Variants in CLSTN2 observed in about 807,000 individuals in gnomAD.
CLSTN2 encodes the protein calsyntenin-2.
In CLSTN2, 48 loss-of-function variants were observed where a neutral mutation model predicts 101.2. The observed-to-expected ratio is 0.47, with a 90% CI of 0.38 to 0.60. The LOEUF is 0.60. CLSTN2 is among the 20% of genes least tolerant of loss of function. The pLI is 0.00. For missense variants in CLSTN2, 1,160 were observed against 1,238.2 expected (o/e 0.94, Z 0.95); for synonymous variants, 481 against 463.6 (o/e 1.04, Z -0.48).
intron 8 of CLSTN2, among the ~76,000 whole-genome samples, chr3:140,495,505 G>A (rs1380036356): frequency 6.6e-6 from 1 of 152,064 alleles, no homozygotes; most frequent in Non-Finnish European, 1.5e-5. Context: ...TGTTGCAATT[G>A]TTTTTGGTGT....
chr3:140,123,599 C>T (rs1350566990), intron 1 of CLSTN2, among the ~76,000 whole-genome samples: 1 of 152,054 alleles, frequency 6.6e-6, no homozygotes, highest in African/African-American at 2.4e-5. Flanking sequence ...CTCAGGCTGC[C>T]ATAACTAAGT....
chr3:140,402,520 G>A (rs72981074), intron 2 of CLSTN2, among the ~76,000 whole-genome samples: 3,845 of 152,310 alleles, frequency 0.025, 145 homozygotes, highest in African/African-American at 0.086. Flanking sequence ...GAGCAAGCAT[G>A]CAATCATCTC....
intron 2 of CLSTN2, among the ~76,000 whole-genome samples, chr3:140,368,832 C>A (rs2087821067): frequency 6.6e-6 from 1 of 152,136 alleles, no homozygotes; most frequent in African/African-American, 2.4e-5. Context: ...TCCAGAGCAC[C>A]CACAGCATAC....
intron 2 of CLSTN2, among the ~76,000 whole-genome samples, chr3:140,181,876 T>C (rs1273612751): frequency 6.6e-6 from 1 of 152,254 alleles, no homozygotes; most frequent in South Asian, 2.1e-4. Context: ...TTCAGTTCCA[T>C]ACTCTCAGAC....
intron 1 of CLSTN2, among the ~76,000 whole-genome samples, chr3:139,959,630 T>C (rs1412933376): frequency 6.6e-6 from 1 of 152,096 alleles, no homozygotes; most frequent in African/African-American, 2.4e-5. Context: ...CCTTCTTTCC[T>C]TTTGCTCCTT....
chr3:140,196,061 TGATGGTTA>T (rs2010639227), intron 2 of CLSTN2, among the ~76,000 whole-genome samples: 1 of 152,206 alleles, frequency 6.6e-6, no homozygotes, highest in East Asian at 1.9e-4. Context: ...GGCATCTTCC[TGATGGTTA>T]GTCCTAGGCG....
intron 1 of CLSTN2, among the ~76,000 whole-genome samples, chr3:140,082,622 ACAC>A (rs1286185978): frequency 3.3e-5 from 5 of 151,932 alleles, no homozygotes; most frequent in Admixed American, 1.3e-4. Flanking sequence ...GTTGCTTCCT[ACAC>A]CTTCTCATCC....
At chr3:140,546,059 G>C (rs1014378125) in intron 9 of CLSTN2, among the ~76,000 whole-genome samples, 1 of 152,206 alleles carries the variant, frequency 6.6e-6, no homozygotes, top group Non-Finnish European at 1.5e-5. Flanking sequence ...GTGTTTAGCT[G>C]TATATGTCCT....
At chr3:139,948,514 C>G (rs1178634300) in intron 1 of CLSTN2, among the ~76,000 whole-genome samples, 2 of 152,032 alleles carry the variant, frequency 1.3e-5, no homozygotes, top group Admixed American at 6.6e-5. Flanking sequence ...TGATCAGAAC[C>G]AGCCAACCTT....
intron 2 of CLSTN2, among the ~76,000 whole-genome samples, chr3:140,361,558 G>A (rs1254850892): frequency 2.0e-5 from 3 of 152,124 alleles, no homozygotes; most frequent in African/African-American, 7.2e-5. Context: ...TATGCATAGA[G>A]AACGTGAACC....
intron 2 of CLSTN2, among the ~76,000 whole-genome samples, chr3:140,212,632 C>G (rs1559807913): frequency 6.6e-6 from 1 of 152,214 alleles, no homozygotes; most frequent in Non-Finnish European, 1.5e-5. Context: ...CCATAAGGCC[C>G]TTTATTGTCT....
chr3:140,345,730 C>T (rs1278427086), intron 2 of CLSTN2, among the ~76,000 whole-genome samples: 2 of 151,052 alleles, frequency 1.3e-5, no homozygotes, highest in African/African-American at 4.9e-5. Flanking sequence ...TTTCCAGAGG[C>T]AAATGGGTAG....
chr3:140,026,748 C>T (rs867269084), intron 1 of CLSTN2, among the ~76,000 whole-genome samples: 11 of 152,218 alleles, frequency 7.2e-5, no homozygotes, highest in Non-Finnish European at 1.3e-4. Context: ...CCTCATTTTA[C>T]AAACAGGTAT....
intron 1 of CLSTN2, among the ~76,000 whole-genome samples, chr3:140,010,128 C>A (rs1220734159): frequency 6.6e-6 from 1 of 152,260 alleles, no homozygotes; most frequent in East Asian, 1.9e-4. Flanking sequence ...GTCTTTCCAG[C>A]CTATTTGCAT....
rs372494066 is a variant in CLSTN2 at position 139,947,998 on chromosome 3, T to C, written c.109+12515T>C. Among the ~76,000 whole-genome samples, 8 of 152,186 alleles carry C rather than the reference T, an allele frequency of 5.3e-5. No homozygotes were observed. In the East Asian group the frequency reaches 1.3e-3, roughly 26 times the overall value. On this transcript the variant is annotated intron_variant, in intron 1 of 16. Coordinates refer to ENST00000458420, the MANE Select transcript of CLSTN2 (RefSeq NM_022131.3). ...ATAGCTTTTCCTTCAGTTTTGCTTT[T>C]TAAATATTCCACTACTACTTTGTCC...
intron 2 of CLSTN2, among the ~76,000 whole-genome samples, chr3:140,288,456 A>G (rs558126281): frequency 6.6e-6 from 1 of 152,210 alleles, no homozygotes; most frequent in African/African-American, 2.4e-5. Flanking sequence ...ATCACTAAAC[A>G]CCATTTCCCA....
At chr3:139,973,222 G>T (rs1935746237) in intron 1 of CLSTN2, among the ~76,000 whole-genome samples, 1 of 152,216 alleles carries the variant, frequency 6.6e-6, no homozygotes, top group Non-Finnish European at 1.5e-5. Flanking sequence ...ATTTCTGTGA[G>T]GTTTCCTTCA....
intron 2 of CLSTN2, among the ~76,000 whole-genome samples, chr3:140,356,499 C>T (rs181887801): frequency 6.6e-6 from 1 of 152,188 alleles, no homozygotes; most frequent in Non-Finnish European, 1.5e-5. Context: ...GTGGCTCATG[C>T]CTGTAATCCC....
At chr3:140,359,141 GAA>G (rs74431387) in intron 2 of CLSTN2, among the ~76,000 whole-genome samples, 2,649 of 130,116 alleles carry the variant, frequency 0.02, 83 homozygotes, top group African/African-American at 0.068. Context: ...GGCATTTGTA[GAA>G]AAAAAAAAAA....
Sources: gnomAD v4.1 joint callset for allele counts (sites outside exome capture counted in the v4.1 genomes callset) on GRCh38, gnomAD v4.1.1 for gene constraint, MANE v1.5 for transcripts, NCBI Gene and HGNC (gene_info 2026-07-23, HGNC 2026-07-21) for gene names.